Variants in ATG2B observed in about 807,000 individuals in gnomAD.
ATG2B encodes autophagy related 2B, also known as autophagy-related protein 2 homolog B.
In ATG2B, 121 loss-of-function variants were observed where a neutral mutation model predicts 241.3. The observed-to-expected ratio is 0.50, with a 90% CI of 0.43 to 0.58. ATG2B has a LOEUF of 0.58. ATG2B is among the 20% of genes least tolerant of loss of function. The pLI, the probability that ATG2B is intolerant of heterozygous loss-of-function variation, is 0.00. For synonymous variants in ATG2B, 858 were observed against 876.6 expected (o/e 0.98, Z 0.37); for missense variants, 2,306 against 2,491.6 (o/e 0.93, Z 1.59).
At position 96,322,667 on chromosome 14, in the gene ATG2B, T is replaced by A; in HGVS notation, c.2609A>T (p.Glu870Val). Residue 870 changes from glutamate (E) to valine (V), a missense_variant, in exon 17 of 42, where the codon GAG becomes GTG. Physicochemically the swap from Glu to Val is moderately radical, Grantham distance 121 (BLOSUM62 -2). Coordinates refer to ENST00000359933, the MANE Select transcript of ATG2B (RefSeq NM_018036.7). ...CTCCTGGTAGTGACCATCATTCTCCTCTTCTTCTTCAGCTGCAATTCTCTC... is the reference window on the plus strand; with the variant it reads ...CTCCTGGTAGTGACCATCATTCTCCACTTCTTCTTCAGCTGCAATTCTCTC... The part of the protein sequence containing the change: ...ILERIAAEEE[E>V]ENDGHYQEEE... The A allele has an allele frequency of 6.2e-7, 1 of 1,613,732 alleles. No homozygotes were observed. The highest frequency in any genetic ancestry group is 1.1e-5 in the South Asian group (1 of 91,060).
rs766340612 is a variant in ATG2B at position 96,334,429 on chromosome 14, T to C, written c.997A>G (p.Met333Val). Residue 333 changes from methionine (M) to valine (V), a missense_variant, in exon 7 of 42, where the codon ATG becomes GTG. This residue lies in a region of ATG2B where 1,927 missense variants were observed against 2,011.2 expected (regional missense o/e 0.96). Transcript: ENST00000359933. ...SPRQVHLLLD[M>V]LAAIAGPENS... ...CCTGGTCCAGCAATAGCTGCCAACA[T>C]ATCCAAAAGCAAGTGCACCTGTCTT... The C allele has an allele frequency of 1.2e-6, 2 of 1,610,558 alleles. No individual in the cohort carries two copies. Among genetic ancestry groups the C allele is most frequent in the Non-Finnish European group, 1.7e-6 (2 of 1,178,508 alleles).
At chr14:96,308,264 ATATATATATATATATATATTTTTTTT>A (rs1887040817) in intron 29 of ATG2B, among the ~76,000 whole-genome samples, 4 of 12,618 alleles carry the variant, frequency 3.2e-4, no homozygotes, top group African/African-American at 1.6e-3. Flanking sequence ...ACACATATAT[ATATATATATATATATATATTTTTTTT>A]TTTTTTTTTT....
In ATG2B at chr14:96,353,615, G is replaced by C. The variant is rs527459193; in HGVS notation, c.163-6274C>G. Among the ~76,000 whole-genome samples the C allele has an allele frequency of 2.0e-5, 3 of 149,582 alleles. No homozygotes were observed. The East Asian group carries it at 5.9e-4, about 30-fold the overall frequency. On this transcript the variant is annotated intron_variant, in intron 1 of 41. Transcript: ENST00000359933. ...CATTCCAGCCAGGGCGAAACAGTGAGAATCTGTCTCAAAAAAATTTCATAT... is the reference window on the plus strand; with the variant it reads ...CATTCCAGCCAGGGCGAAACAGTGACAATCTGTCTCAAAAAAATTTCATAT...
At position 96,363,004 on chromosome 14, in the gene ATG2B, C is replaced by T. The variant is rs752602512; in HGVS notation, c.-28G>A. The T allele has an allele frequency of 5.6e-6, 9 of 1,611,340 alleles. No homozygotes were observed. The Admixed American group carries it at 8.4e-5, about 15-fold the overall frequency. ...TGACTGCTGGCAGCTGGGCTGACTG[C>T]GGCTGCGGGTTGCGACGGCTCCGGC... On this transcript the variant is annotated 5_prime_UTR_variant, in exon 1 of 42. Coordinates refer to ENST00000359933, the MANE Select transcript of ATG2B (RefSeq NM_018036.7).
In ATG2B at chr14:96,332,565, A is replaced by C. The variant is rs1397208067; in HGVS notation, c.1298T>G (p.Leu433Arg). Residue 433 changes from leucine (L) to arginine (R), a missense_variant, in exon 9 of 42, where the codon CTT (leucine) becomes CGT (arginine). Around this residue, in one of 2 missense-constraint regions of ATG2B, gnomAD observed 1,927 missense variants for 2,011.2 expected, o/e 0.96. Transcript: ENST00000359933. ...ATATGTACTAGTTAATGATAACTCA[A>C]GGTCCATGTTTGGGGGGTCCCCAAG... ...PPLGDPPNMD[L>R]ELSLTSTYTN... 3.1e-6 allele frequency: 5 copies of C among 1,611,748 alleles called. No homozygotes were observed. The Admixed American group carries it at 8.4e-5, about 27-fold the overall frequency.
chr14:96,305,878 C>T, intron 30 of ATG2B, 63 bp from the exon 31 acceptor site: 1 of 1,301,004 alleles, frequency 7.7e-7, no homozygotes, highest in African/African-American at 1.5e-5. Context: ...GATTATGCTG[C>T]ACATCTCAAG....
At position 96,323,916 on chromosome 14, in the gene ATG2B, T is replaced by C; in HGVS notation, c.2520A>G (p.Ser840=). The C allele has an allele frequency of 1.2e-6, 2 of 1,609,910 alleles. No homozygotes were observed. The highest frequency in any genetic ancestry group is 1.7e-6 in the Non-Finnish European group (2 of 1,178,266). Reference sequence around the variant, plus strand: ...CTCACCGTGGCCAGTCAAAGTCATCTGACGATGTTGTATCTCCATCTACTC... The same window carrying C: ...CTCACCGTGGCCAGTCAAAGTCATCCGACGATGTTGTATCTCCATCTACTC... ...SSGVDGDTTS[S]DDFDWPRIVL... The change falls in exon 16 of 42, where the codon TCA becomes TCG. Residue 840 remains serine (S), a synonymous_variant. Coordinates refer to ENST00000359933, the MANE Select transcript of ATG2B (RefSeq NM_018036.7).
At position 96,283,303 on chromosome 14, in the gene ATG2B, C is replaced by CA. The variant is rs3832935; in HGVS notation, c.*2451dup. On this transcript the variant is annotated 3_prime_UTR_variant, in exon 42 of 42. Coordinates refer to ENST00000359933, the MANE Select transcript of ATG2B (RefSeq NM_018036.7). The stretch of plus-strand genomic sequence containing the variant: ...TCTACTCTAGTCAGAAGCATGACAC[C>CA]AACCCAACCACCCAGGCACAGTGGC... 125,941 of 152,150 alleles carry CA rather than the reference C, an allele frequency of 0.83. 52,664 individuals are homozygous for CA. The highest frequency in any genetic ancestry group is 0.95 in the African/African-American group (39,522 of 41,486). 9.4% of individuals were successfully genotyped at this position (152,150 alleles called of 1,614,324 possible).
intron 12 of ATG2B, among the ~76,000 whole-genome samples, 176 bp downstream of exon 12, chr14:96,329,308 G>A (rs925192340): frequency 2.6e-5 from 4 of 152,044 alleles, no homozygotes; most frequent in Non-Finnish European, 5.9e-5. Flanking sequence ...TCCTTATAAC[G>A]ATGTTGAGTG....
intron 36 of ATG2B, among the ~76,000 whole-genome samples, chr14:96,294,618 A>C (rs1886579793): frequency 6.6e-6 from 1 of 152,232 alleles, no homozygotes; most frequent in Non-Finnish European, 1.5e-5. Flanking sequence ...AGATACATAA[A>C]GGAAAAAAAG....
At chr14:96,314,008 C>G (rs1887235373) in intron 23 of ATG2B, among the ~76,000 whole-genome samples, 1 of 152,060 alleles carries the variant, frequency 6.6e-6, no homozygotes, top group Non-Finnish European at 1.5e-5. Context: ...TAATGTATAC[C>G]TAGCTCAGTC....
rs1887046862 is a variant in ATG2B, at chr14:96,308,270, ATATATATATATATT to A, written c.4303+1169_4303+1182del. Reference sequence around the variant, plus strand: ...TATATATACACACATATATATATATATATATATATATATTTTTTTTTTTTTTTTTTTTGAGACAG... The same window carrying A: ...TATATATACACACATATATATATATATTTTTTTTTTTTTTTTTTGAGACAG... On this transcript the variant is annotated intron_variant, in intron 29 of 41. Transcript: ENST00000359933. 8.5e-3 allele frequency among the ~76,000 whole-genome samples: 237 copies of A among 27,872 alleles called. 14 individuals are homozygous for A. Among genetic ancestry groups the A allele is most frequent in the African/African-American group, 0.012 (62 of 5,094 alleles). The allele number at this position is 27,872 out of a possible 152,430, so 18.3% of individuals were successfully genotyped here. A position where few individuals can be genotyped will look rare whatever the true frequency, so the allele number is the denominator to read the frequency against.
chr14:96,354,199 T>A (rs1888411307), intron 1 of ATG2B, among the ~76,000 whole-genome samples: 1 of 152,234 alleles, frequency 6.6e-6, no homozygotes, highest in Non-Finnish European at 1.5e-5. Context: ...TACGTAAATG[T>A]GTCCCATGGT....
At chr14:96,345,051 A>T (rs1341038149) in intron 3 of ATG2B, among the ~76,000 whole-genome samples, 182 bp downstream of exon 3, 1 of 152,184 alleles carries the variant, frequency 6.6e-6, no homozygotes, top group Non-Finnish European at 1.5e-5. Context: ...GGTACAAAAA[A>T]AAAAACAACA....
At chr14:96,358,689 AACCTACTTGGCTCAAGCAACATTTTCCAC>A (rs1888543951) in intron 1 of ATG2B, among the ~76,000 whole-genome samples, 1 of 152,102 alleles carries the variant, frequency 6.6e-6, no homozygotes, top group African/African-American at 2.4e-5. Flanking sequence ...AAAAATTCTC[AACCTACTTGGCTCAAGCAACATTTTCCAC>A]ACCAGTCCTA....
intron 18 of ATG2B, among the ~76,000 whole-genome samples, chr14:96,321,842 A>T (rs910980910): frequency 1.3e-5 from 2 of 152,098 alleles, no homozygotes; most frequent in Non-Finnish European, 2.9e-5. Context: ...ATTGTATTTG[A>T]TCGGTAACCT....
chr14:96,360,426 T>G (rs1214644136), intron 1 of ATG2B, among the ~76,000 whole-genome samples: 2 of 152,260 alleles, frequency 1.3e-5, no homozygotes, highest in Non-Finnish European at 2.9e-5. Context: ...TGTTCCATGA[T>G]TTTGTTGCTG....
intron 1 of ATG2B, among the ~76,000 whole-genome samples, chr14:96,354,259 T>C (rs1334250683): frequency 1.3e-5 from 2 of 152,214 alleles, no homozygotes; most frequent in Non-Finnish European, 2.9e-5. Flanking sequence ...CCAGTATCCA[T>C]TAGCTATTCT....
intron 14 of ATG2B, among the ~76,000 whole-genome samples, chr14:96,326,340 A>C (rs1887587964): frequency 6.6e-6 from 1 of 152,336 alleles, no homozygotes; most frequent in Admixed American, 6.5e-5. Flanking sequence ...TTAAATACTC[A>C]ATGTGAAATC....
Sources: allele counts gnomAD v4.1 joint callset (sites outside exome capture counted in the v4.1 genomes callset), GRCh38; gene constraint gnomAD v4.1.1; regional missense constraint gnomAD v4.1.1; transcripts MANE v1.5; gene names NCBI Gene and HGNC (gene_info 2026-07-23, HGNC 2026-07-21).